VPS13B: variants seen among roughly 807,000 people sequenced by gnomAD.
VPS13B encodes the protein vacuolar protein sorting 13 homolog B, also known as intermembrane lipid transfer protein VPS13B.
In VPS13B, 285 loss-of-function variants were observed where a neutral mutation model predicts 426.4. The observed-to-expected ratio is 0.67, with a 90% confidence interval of 0.61 to 0.74. The LOEUF (loss-of-function observed/expected upper bound fraction) is 0.74, where lower values mean the gene tolerates loss of function less well. Ranked by LOEUF, VPS13B falls within the 30% of genes least tolerant of loss-of-function variation. The probability of loss-of-function intolerance (pLI) is 0.00; values close to 1 mark genes in which losing one functional copy is unlikely to be tolerated. For synonymous variants in VPS13B, 1,676 were observed against 1,676.4 expected (o/e 1.00, Z 0.01); for missense variants, 4,537 against 4,782.6 (o/e 0.95, Z 1.51).
intron 52 of VPS13B, among the ~76,000 whole-genome samples, chr8:99,833,363 T>A (rs988481644): frequency 6.6e-6 from 1 of 152,240 alleles, no homozygotes; most frequent in East Asian, 1.9e-4. Flanking sequence ...AAAGAAAACA[T>A]ATTGTGCCCT....
intron 59 of VPS13B, 24 bp from the exon 60 acceptor site, chr8:99,870,761 A>G (rs1162052289): frequency 1.9e-6 from 3 of 1,609,952 alleles, no homozygotes; most frequent in Admixed American, 1.7e-5. Flanking sequence ...AAGTAGTAAA[A>G]CTCCCTTACT....
rs117971822 is a variant in VPS13B, at chr8:99,808,136, T to A, written c.7942-1239T>A. Among the ~76,000 whole-genome samples, 1,198 of 152,284 alleles carry A rather than the reference T, an allele frequency of 7.9e-3. 11 individuals are homozygous for A. Among genetic ancestry groups the A allele is most frequent in the Non-Finnish European group, 0.013 (891 of 68,006 alleles). On this transcript the variant is annotated intron_variant, in intron 43 of 61. Coordinates refer to ENST00000357162, the MANE Select transcript of VPS13B (RefSeq NM_152564.5). ...ACTAATTGGGAGTTTTTCATGAGAT[T>A]TACCTTTGGTTAGCTCTGTTAAAAA...
At chr8:99,800,867 T>C (rs1813087069) in intron 43 of VPS13B, among the ~76,000 whole-genome samples, 1 of 152,196 alleles carries the variant, frequency 6.6e-6, no homozygotes, top group Non-Finnish European at 1.5e-5. Flanking sequence ...ATTATAGGTA[T>C]GTTGAAACAT....
intron 23 of VPS13B, among the ~76,000 whole-genome samples, chr8:99,459,673 T>G (rs76535266): frequency 6.6e-6 from 1 of 152,162 alleles, no homozygotes; most frequent in African/African-American, 2.4e-5. Flanking sequence ...TATCTAAACA[T>G]AGAAAAGGCA....
rs1176191026 is a variant in VPS13B, at chr8:99,501,926, C to CCCTT, written c.4042+81_4042+84dup. On this transcript the variant is annotated intron_variant, in intron 26 of 61. Coordinates refer to ENST00000357162, the MANE Select transcript of VPS13B (RefSeq NM_152564.5). ...TCCCTCCCTCCCTCCCTCCCTCCCT[C>CCCTT]CCTTCCTTCCTTCCTTTCTTTTCTG... is the stretch of plus-strand genomic sequence containing the variant. The CCCTT allele has an allele frequency of 8.9e-5, 95 of 1,068,226 alleles. 2 individuals are homozygous for CCCTT. The highest frequency in any genetic ancestry group is 1.5e-4 in the South Asian group (11 of 71,106). 66.2% of individuals were successfully genotyped at this position (1,068,226 alleles called of 1,614,324 possible). A position where few individuals can be genotyped will look rare whatever the true frequency, so the allele number is the denominator to read the frequency against.
intron 17 of VPS13B, among the ~76,000 whole-genome samples, chr8:99,263,580 C>G (rs1459550952): frequency 4.6e-5 from 7 of 152,106 alleles, no homozygotes; most frequent in Admixed American, 6.5e-5. Flanking sequence ...CCTGTGACCC[C>G]CTTCCCCCAT....
intron 17 of VPS13B, among the ~76,000 whole-genome samples, chr8:99,198,314 T>G (rs1259681763): frequency 6.6e-6 from 1 of 152,154 alleles, no homozygotes; most frequent in African/African-American, 2.4e-5. Context: ...CTTCAGAGTA[T>G]TTTTTGGTTT....
intron 35 of VPS13B, among the ~76,000 whole-genome samples, chr8:99,674,075 A>C (rs1467087074): frequency 1.3e-5 from 2 of 152,020 alleles, no homozygotes; most frequent in African/African-American, 4.8e-5. Context: ...TTTTGGATGG[A>C]ACATTCTGTA....
intron 17 of VPS13B, among the ~76,000 whole-genome samples, chr8:99,215,663 A>T (rs1236325544): frequency 6.6e-6 from 1 of 152,182 alleles, no homozygotes; most frequent in African/African-American, 2.4e-5. Context: ...CCAACAAAAA[A>T]ATACACTAAT....
chr8:99,715,472 A>G (rs1044237243), intron 36 of VPS13B, among the ~76,000 whole-genome samples: 2 of 152,220 alleles, frequency 1.3e-5, no homozygotes, highest in African/African-American at 4.8e-5. Context: ...ATAGAAATTG[A>G]TAAGTTTTAG....
At chr8:99,870,992 T>A in intron 60 of VPS13B, 105 bp downstream of exon 60, 1 of 1,152,634 alleles carries the variant, frequency 8.7e-7, no homozygotes, top group Non-Finnish European at 1.3e-6. Context: ...AGCCCAGGAG[T>A]AGCCATTGTT....
chr8:99,750,587 C>A (rs1283651675), intron 39 of VPS13B, among the ~76,000 whole-genome samples: 4 of 152,046 alleles, frequency 2.6e-5, no homozygotes, highest in Admixed American at 2.0e-4. Flanking sequence ...GAGCAGGAGA[C>A]CTTTGTAGCA....
chr8:99,593,930 A>T (rs569790811), intron 33 of VPS13B, among the ~76,000 whole-genome samples: 1 of 151,632 alleles, frequency 6.6e-6, no homozygotes, highest in Non-Finnish European at 1.5e-5. Context: ...GGAGGGGTGG[A>T]GAGATGGAGA....
intron 30 of VPS13B, among the ~76,000 whole-genome samples, chr8:99,543,335 G>A (rs1228043343): frequency 2.6e-5 from 4 of 152,072 alleles, no homozygotes; most frequent in Middle Eastern, 3.4e-3. Context: ...AGACTTAAAC[G>A]TTACACCTAA....
intron 25 of VPS13B, among the ~76,000 whole-genome samples, chr8:99,488,281 A>AG (rs1820411437): frequency 6.6e-6 from 1 of 152,134 alleles, no homozygotes; most frequent in Admixed American, 6.6e-5. Flanking sequence ...TTGGCAGAAA[A>AG]TATGGGTCCC....
intron 3 of VPS13B, among the ~76,000 whole-genome samples, chr8:99,055,933 G>T (rs922286094): frequency 2.1e-5 from 3 of 143,336 alleles, no homozygotes; most frequent in Non-Finnish European, 3.0e-5. Context: ...TAGAGAGAGG[G>T]TCTTGGTATG....
rs1816424621 is a variant in VPS13B, at chr8:99,853,976, G to A, written c.10587G>A (p.Leu3529=). 1 of 1,614,204 alleles carries A rather than the reference G, an allele frequency of 6.2e-7. No individual in the cohort carries two copies. The change falls in exon 56 of 62, where the codon TTG becomes TTA. Residue 3529 remains leucine, a synonymous_variant. Coordinates refer to ENST00000357162, the MANE Select transcript of VPS13B (RefSeq NM_152564.5). The part of the protein sequence containing the change: ...LFDTYLPNSR[L]AGHSTHLSGG... ...ACACCTACCTTCCTAACAGCAGGTTGGCTGGTCACTCCACACACCTCTCCG... is the reference window on the plus strand; with the variant it reads ...ACACCTACCTTCCTAACAGCAGGTTAGCTGGTCACTCCACACACCTCTCCG...
At position 99,815,431 on chromosome 8, in the gene VPS13B, C is replaced by G. The variant is rs1813971955; in HGVS notation, c.8098-2109C>G. On this transcript the variant is annotated intron_variant, in intron 44 of 61. Transcript: ENST00000357162. ...CAAAATGAGTTTCCTCTTACTTAGC[C>G]TTTTCCTTCGATTGGGTCTTCATTT... is the stretch of plus-strand genomic sequence containing the variant. Among the ~76,000 whole-genome samples the G allele has an allele frequency of 2.0e-5, 3 of 152,088 alleles. No individual in the cohort carries two copies. In the South Asian group the frequency reaches 6.2e-4, roughly 32 times the overall value.
chr8:99,401,976 G>C (rs951152555), intron 21 of VPS13B, among the ~76,000 whole-genome samples: 1 of 152,158 alleles, frequency 6.6e-6, no homozygotes, highest in Non-Finnish European at 1.5e-5. Context: ...CTCAGGCCAG[G>C]AACACCCTAT....
Sources: gnomAD v4.1 joint callset for allele counts (sites outside exome capture counted in the v4.1 genomes callset) on GRCh38, gnomAD v4.1.1 for gene constraint, MANE v1.5 for transcripts, NCBI Gene and HGNC (gene_info 2026-07-23, HGNC 2026-07-21) for gene names.